The following TBK1 variants were observed in gnomAD, a reference collection of about 807,000 sequenced individuals.
TBK1 encodes the protein TANK binding kinase 1.
In TBK1, 37 loss-of-function variants were observed where a neutral mutation model predicts 99.9. The ratio of observed to expected loss-of-function variants is 0.37; its 90% CI spans 0.28 to 0.49. The LOEUF is 0.49. Ranked by LOEUF, TBK1 falls within the 20% of genes least tolerant of loss-of-function variation. TBK1 has a pLI of 0.98. For synonymous variants in TBK1, 258 were observed against 279.8 expected (o/e 0.92, Z 0.78); for missense variants, 644 against 872.5 (o/e 0.74, Z 3.30).
At chr12:64,500,479 C>T (rs777359874) in intron 20 of TBK1, among the ~76,000 whole-genome samples, 2 of 151,984 alleles carry the variant, frequency 1.3e-5, no homozygotes, top group Non-Finnish European at 2.9e-5. Flanking sequence ...TTTTTCTTAA[C>T]CCCAAGCTCT....
chr12:64,474,089 G>A (rs1056822087), intron 5 of TBK1, 141 bp from the exon 6 acceptor site: 41 of 764,568 alleles, frequency 5.4e-5, no homozygotes, highest in Non-Finnish European at 7.9e-5. Flanking sequence ...AGGGGAAGAT[G>A]TGAAATAGTC....
intron 10 of TBK1, chr12:64,485,724 T>C (rs1425979595): frequency 1.1e-5 from 5 of 446,320 alleles, no homozygotes; most frequent in African/African-American, 1.0e-4. Flanking sequence ...ATTCTCTCCA[T>C]TGAGATAGTG....
Position 64,496,607 on chromosome 12 carries a change from G to C in TBK1, c.1760+201G>C, listed in dbSNP as rs193065376. Among the ~76,000 whole-genome samples the C allele has an allele frequency of 2.3e-3, 343 of 152,298 alleles. 3 individuals are homozygous for C. The highest frequency in any genetic ancestry group is 3.2e-3 in the Admixed American group (49 of 15,290). The stretch of plus-strand genomic sequence containing the variant: ...TTGGGAAGTTACCATGATGGGAGAA[G>C]GAGGGGGGAGAAAGATTACCATTTC... On this transcript the variant is annotated intron_variant, in intron 16 of 20. Coordinates refer to ENST00000331710, the MANE Select transcript of TBK1 (RefSeq NM_013254.4).
At chr12:64,470,853 A>G (rs1299194691) in intron 5 of TBK1, among the ~76,000 whole-genome samples, 1 of 152,210 alleles carries the variant, frequency 6.6e-6, no homozygotes, top group Non-Finnish European at 1.5e-5. Context: ...TCCTGGGAAC[A>G]CAGTTTAGCT....
intron 1 of TBK1, among the ~76,000 whole-genome samples, 191 bp from the exon 2 acceptor site, chr12:64,455,649 A>G (rs1325901115): frequency 6.6e-6 from 1 of 152,258 alleles, no homozygotes; most frequent in East Asian, 1.9e-4. Context: ...TGACTTGTTC[A>G]TACCATATCA....
intron 9 of TBK1, 147 bp downstream of exon 9, chr12:64,484,646 G>T (rs1451901232): frequency 2.8e-6 from 2 of 711,302 alleles, no homozygotes; most frequent in East Asian, 5.8e-5. Context: ...CAGCTGCATG[G>T]GAGGCTGAGG....
chr12:64,486,239 C>T (rs1301009831), intron 11 of TBK1, among the ~76,000 whole-genome samples: 6 of 152,120 alleles, frequency 3.9e-5, no homozygotes, highest in African/African-American at 1.4e-4. Flanking sequence ...ACTTACACCA[C>T]GCTATAGGAT....
intron 2 of TBK1, among the ~76,000 whole-genome samples, chr12:64,458,888 A>C (rs1049923962): frequency 6.6e-6 from 1 of 152,194 alleles, no homozygotes; most frequent in Non-Finnish European, 1.5e-5. Flanking sequence ...TTCTCTTTTC[A>C]TATGTGTGAA....
chr12:64,498,383 C>T (rs527562537), intron 20 of TBK1, among the ~76,000 whole-genome samples: 6 of 152,278 alleles, frequency 3.9e-5, no homozygotes, highest in East Asian at 1.9e-4. Context: ...GAGTAGCTTA[C>T]GGGGTCCTCT....
At chr12:64,493,934 G>A (rs1414672371) in intron 13 of TBK1, among the ~76,000 whole-genome samples, 1 of 151,750 alleles carries the variant, frequency 6.6e-6, no homozygotes, top group African/African-American at 2.4e-5. Flanking sequence ...GGTTTTTTTG[G>A]TAACACCATT....
Position 64,460,395 on chromosome 12 carries a change from A to T in TBK1, c.228+66A>T, listed in dbSNP as rs2040534637. The T allele has an allele frequency of 1.2e-5, 15 of 1,291,536 alleles. No individual in the cohort carries two copies. The South Asian group carries it at 2.8e-4, about 24-fold the overall frequency. The allele number at this position is 1,291,536 out of a possible 1,614,324, so 80.0% of individuals were successfully genotyped here. A position where few individuals can be genotyped will look rare whatever the true frequency, so the allele number is the denominator to read the frequency against. Reference sequence around the variant, plus strand: ...GAGTCAAGAAATAGAACCTAATATTAAAAAATGGATTTTTTAAAAAACTGT... The same window carrying T: ...GAGTCAAGAAATAGAACCTAATATTTAAAAATGGATTTTTTAAAAAACTGT... On this transcript the variant is annotated intron_variant, in intron 3 of 20. Coordinates refer to ENST00000331710, the MANE Select transcript of TBK1 (RefSeq NM_013254.4).
chr12:64,496,324 A>G, intron 15 of TBK1, 43 bp from the exon 16 acceptor site: 1 of 961,806 alleles, frequency 1.0e-6, no homozygotes, highest in Non-Finnish European at 1.5e-6. Flanking sequence ...GTATAATATT[A>G]TGATTCTATA....
In TBK1 at chr12:64,497,193, A is replaced by G. The variant is rs781682158; in HGVS notation, c.1893A>G (p.Leu631=). 3.1e-6 allele frequency: 5 copies of G among 1,600,814 alleles called. No individual in the cohort carries two copies. In the East Asian group the frequency reaches 9.0e-5, roughly 29 times the overall value. The change falls in exon 18 of 21, where the codon TTA becomes TTG. Residue 631 remains leucine, a synonymous_variant. Coordinates refer to ENST00000331710, the MANE Select transcript of TBK1 (RefSeq NM_013254.4). ...TGCTTCATCTTAGGAAACAGTTATT[A>G]TCGCTGACTAATCAGTGTTTTGATA... ...RKMLHLRKQL[L]SLTNQCFDIE... is the part of the protein sequence containing the mutation.
Position 64,482,932 on chromosome 12 carries a change from T to C in TBK1, c.992+911T>C, listed in dbSNP as rs542385790. Among the ~76,000 whole-genome samples the C allele has an allele frequency of 4.6e-5, 7 of 152,360 alleles. 1 individual carries two copies. In the South Asian group the frequency reaches 1.0e-3, roughly 23 times the overall value. The stretch of plus-strand genomic sequence containing the variant: ...GTAAAACTGGGGAAATTTGAGTAAG[T>C]TGGGTGTATCAATGTTAATAGCTGG... On this transcript the variant is annotated intron_variant, in intron 8 of 20. Transcript: ENST00000331710.
At chr12:64,459,937 G>A (rs149227872) in intron 2 of TBK1, among the ~76,000 whole-genome samples, 240 of 152,168 alleles carry the variant, frequency 1.6e-3, no homozygotes, top group African/African-American at 5.6e-3. Context: ...CTCATGAAAG[G>A]TTTATTTATA....
chr12:64,476,796 G>T lies in TBK1; in HGVS notation c.701+2406G>T, dbSNP rs191190385. ...TATATTTTCTTCTAGAATTTTTGTA[G>T]TTTGAGGTCTTACATTTAAGTCTTT... On this transcript the variant is annotated intron_variant, in intron 6 of 20. Transcript: ENST00000331710. 4.6e-5 allele frequency among the ~76,000 whole-genome samples: 7 copies of T among 152,264 alleles called. No homozygotes were observed. In the East Asian group the frequency reaches 1.4e-3, roughly 29 times the overall value.
intron 1 of TBK1, among the ~76,000 whole-genome samples, chr12:64,454,672 CTTTTTTTTTTT>C (rs11358053): frequency 2.4e-5 from 2 of 83,634 alleles, no homozygotes; most frequent in African/African-American, 9.7e-5. Flanking sequence ...AAACTCAGAT[CTTTTTTTTTTT>C]TTTTTTTTTT....
At chr12:64,485,877 C>G (rs769831059) in intron 10 of TBK1, 49 bp from the exon 11 acceptor site, 4 of 1,372,922 alleles carry the variant, frequency 2.9e-6, no homozygotes, top group Non-Finnish European at 3.9e-6. Context: ...GTTTTTCTTA[C>G]CCTATACCAC....
intron 14 of TBK1, 36 bp downstream of exon 14, chr12:64,495,640 T>G: frequency 6.2e-7 from 1 of 1,612,966 alleles, no homozygotes; most frequent in Non-Finnish European, 8.5e-7. Flanking sequence ...TCTGCTCTTA[T>G]TAATGTCCTT....
Sources: allele counts gnomAD v4.1 joint callset (sites outside exome capture counted in the v4.1 genomes callset), GRCh38; gene constraint gnomAD v4.1.1; transcripts MANE v1.5; gene names NCBI Gene and HGNC (gene_info 2026-07-23, HGNC 2026-07-21).